Variants in MMP26 observed in about 807,000 individuals in gnomAD.
MMP26 encodes the protein matrix metalloproteinase-26.
In MMP26, 33 loss-of-function variants were observed where a neutral mutation model predicts 31.0. That is an observed-to-expected ratio of 1.06 (90% CI 0.81 to 1.42). MMP26 has a LOEUF of 1.42. MMP26 is among the 40% of genes most tolerant of loss of function. MMP26 has a pLI of 0.00. For synonymous variants in MMP26, 122 were observed against 114.9 expected (o/e 1.06, Z -0.40); for missense variants, 347 against 316.1 (o/e 1.10, Z -0.74).
At chr11:4,785,692 T>C (rs1460836593) in intron 2 of MMP26, among the ~76,000 whole-genome samples, 1 of 152,180 alleles carries the variant, frequency 6.6e-6, no homozygotes, top group African/African-American at 2.4e-5. Flanking sequence ...ATTCTGCAAA[T>C]AGAATGCAGC....
intron 2 of MMP26, among the ~76,000 whole-genome samples, chr11:4,793,313 C>A (rs12806140): frequency 0.064 from 9,759 of 152,186 alleles, 428 homozygotes; most frequent in Middle Eastern, 0.13. Flanking sequence ...CAGAAGCAAC[C>A]AAACTCTTTG....
chr11:4,738,455 A>G (rs1848270644), intron 1 of MMP26, among the ~76,000 whole-genome samples: 1 of 152,164 alleles, frequency 6.6e-6, no homozygotes, highest in Admixed American at 6.5e-5. Context: ...GTGAAGTTCT[A>G]TCAGCTTAAG....
At chr11:4,901,732 TG>T (rs1168143420) in intron 2 of MMP26, among the ~76,000 whole-genome samples, 1 of 152,198 alleles carries the variant, frequency 6.6e-6, no homozygotes, top group Non-Finnish European at 1.5e-5. Context: ...CCTACTTTTT[TG>T]TATGGGTGTT....
intron 2 of MMP26, chr11:4,795,070 C>T (rs867986243): frequency 6.6e-6 from 1 of 152,084 alleles, no homozygotes; most frequent in Non-Finnish European, 1.5e-5. Context: ...GGGCTTAGAA[C>T]CAATAAAAGG....
chr11:4,782,132 G>T (rs1478985274), intron 2 of MMP26, among the ~76,000 whole-genome samples: 1 of 152,208 alleles, frequency 6.6e-6, no homozygotes, highest in African/African-American at 2.4e-5. Flanking sequence ...AAGTGACTTT[G>T]GAACTGGGTA....
intron 1 of MMP26, among the ~76,000 whole-genome samples, chr11:4,720,657 G>A (rs954426317): frequency 3.3e-5 from 5 of 152,166 alleles, no homozygotes; most frequent in African/African-American, 1.2e-4. Flanking sequence ...TAAAAACTAT[G>A]ATTTTGGTGG....
intron 2 of MMP26, chr11:4,881,845 T>C: frequency 7.0e-7 from 1 of 1,431,384 alleles, no homozygotes; most frequent in African/African-American, 1.4e-5. Context: ...ATGCTATATA[T>C]ATAAAGAATC....
At position 4,777,957 on chromosome 11, in the gene MMP26, G is replaced by A. The variant is rs552795696; in HGVS notation, c.-145+10616G>A. ...CATAACATATGCATACCTTTTCAAT[G>A]GTTATATACCTGAGAGTGGAATTGT... On this transcript the variant is annotated intron_variant, in intron 2 of 7. Transcript: ENST00000380390. Among the ~76,000 whole-genome samples the A allele has an allele frequency of 2.0e-4, 30 of 152,086 alleles. No individual in the cohort carries two copies. In the South Asian group the frequency reaches 5.4e-3, roughly 27 times the overall value.
At chr11:4,821,665 A>T (rs1410198213) in intron 2 of MMP26, 1 of 1,613,926 alleles carries the variant, frequency 6.2e-7, no homozygotes, top group Non-Finnish European at 8.5e-7. Context: ...TACACTTTCT[A>T]CTACCCTTGG....
intron 2 of MMP26, among the ~76,000 whole-genome samples, chr11:4,917,717 C>T (rs1851119420): frequency 6.6e-6 from 1 of 152,106 alleles, no homozygotes; most frequent in Non-Finnish European, 1.5e-5. Flanking sequence ...AGACAAGCTA[C>T]ATATTGGGTT....
At chr11:4,923,938 G>A in intron 2 of MMP26, 1 of 1,614,182 alleles carries the variant, frequency 6.2e-7, no homozygotes. Context: ...GGACGGTGGA[G>A]TCATGCAGTG....
At chr11:4,757,606 GACAA>G (rs1287181226) in intron 1 of MMP26, among the ~76,000 whole-genome samples, 1 of 150,120 alleles carries the variant, frequency 6.7e-6, no homozygotes, top group Non-Finnish European at 1.5e-5. Context: ...TCAATAAAGA[GACAA>G]ACAATCCAAT....
At chr11:4,807,729 G>A (rs1027891082) in intron 2 of MMP26, among the ~76,000 whole-genome samples, 1 of 152,112 alleles carries the variant, frequency 6.6e-6, no homozygotes, top group East Asian at 1.9e-4. Flanking sequence ...TAACAAACCT[G>A]CACATTGTGC....
intron 2 of MMP26, among the ~76,000 whole-genome samples, chr11:4,899,233 T>C (rs776430546): frequency 6.6e-6 from 1 of 152,212 alleles, no homozygotes; most frequent in African/African-American, 2.4e-5. Context: ...ATTCACTGCA[T>C]AATTTATTGC....
chr11:4,870,304 TTAAAA>T (rs1850293765), intron 2 of MMP26, among the ~76,000 whole-genome samples: 1 of 152,132 alleles, frequency 6.6e-6, no homozygotes, highest in African/African-American at 2.4e-5. Flanking sequence ...TGTATTATCT[TTAAAA>T]TATGTTTTTA....
intron 2 of MMP26, among the ~76,000 whole-genome samples, chr11:4,806,209 G>A (rs1429194922): frequency 2.0e-5 from 3 of 152,076 alleles, no homozygotes; most frequent in African/African-American, 7.2e-5. Flanking sequence ...TTGATTTGCG[G>A]TGGAGAGTTC....
intron 1 of MMP26, among the ~76,000 whole-genome samples, chr11:4,739,180 T>A (rs1589887691): frequency 6.6e-6 from 1 of 152,200 alleles, no homozygotes; most frequent in African/African-American, 2.4e-5. Context: ...TAGCCCAATA[T>A]TGTTGCAATT....
intron 2 of MMP26, chr11:4,882,096 C>G (rs1365994732): frequency 1.2e-6 from 2 of 1,613,962 alleles, no homozygotes; most frequent in East Asian, 2.2e-5. Context: ...TATTTCCTCT[C>G]CATGCTGGCA....
chr11:4,839,879 C>A (rs922125786), intron 2 of MMP26, among the ~76,000 whole-genome samples: 1 of 151,356 alleles, frequency 6.6e-6, no homozygotes, highest in African/African-American at 2.4e-5. Flanking sequence ...TCTTGGGATC[C>A]CCCATTCCAG....
Sources: allele counts gnomAD v4.1 joint callset (sites outside exome capture counted in the v4.1 genomes callset), GRCh38; gene constraint gnomAD v4.1.1; transcripts MANE v1.5; gene names NCBI Gene and HGNC (gene_info 2026-07-23, HGNC 2026-07-21).